ALPK1: variants seen among roughly 807,000 people sequenced by gnomAD.
ALPK1 encodes alpha kinase 1, also known as alpha-protein kinase 1.
In ALPK1, 110 loss-of-function variants were observed where a neutral mutation model predicts 120.6. The ratio of observed to expected loss-of-function variants is 0.91; its 90% confidence interval spans 0.78 to 1.07. The LOEUF (loss-of-function observed/expected upper bound fraction) is 1.07. Ranked by LOEUF, ALPK1 falls within the 50% of genes least tolerant of loss-of-function variation. The probability of loss-of-function intolerance (pLI) is 0.00; values close to 1 mark genes in which losing one functional copy is unlikely to be tolerated. For missense variants in ALPK1, 1,498 were observed against 1,483.9 expected, an observed-to-expected ratio of 1.01 and a Z score of -0.16; for synonymous variants, 582 against 560.3, an observed-to-expected ratio of 1.04 and a Z score of -0.55.
At chr4:112,374,004 G>A (rs1260366427) in intron 2 of ALPK1, among the ~76,000 whole-genome samples, 2 of 152,202 alleles carry the variant, frequency 1.3e-5, no homozygotes, top group Non-Finnish European at 2.9e-5. Context: ...GAAGGCTGGA[G>A]TGGCTGTGGC....
intron 2 of ALPK1, among the ~76,000 whole-genome samples, chr4:112,320,047 T>A (rs1428065254): frequency 6.6e-6 from 1 of 152,214 alleles, no homozygotes; most frequent in African/African-American, 2.4e-5. Flanking sequence ...CTTTCTCTTA[T>A]CTGATTGCTC....
intron 5 of ALPK1, among the ~76,000 whole-genome samples, chr4:112,423,222 G>A (rs1734075749): frequency 6.6e-6 from 1 of 152,150 alleles, no homozygotes; most frequent in Admixed American, 6.5e-5. Context: ...CAGATATTTG[G>A]GATGAAAGCG....
At chr4:112,416,199 C>T (rs1733740266) in intron 5 of ALPK1, among the ~76,000 whole-genome samples, 1 of 152,132 alleles carries the variant, frequency 6.6e-6, no homozygotes, top group South Asian at 2.1e-4. Context: ...CCTTGCTTGA[C>T]TAGCAAGGGA....
intron 2 of ALPK1, among the ~76,000 whole-genome samples, chr4:112,348,581 G>A (rs768212485): frequency 6.6e-6 from 1 of 152,214 alleles, no homozygotes; most frequent in Non-Finnish European, 1.5e-5. Flanking sequence ...TGGCATGTGG[G>A]TGTTTGCTGT....
At chr4:112,306,510 C>G (rs1269685331) in intron 1 of ALPK1, among the ~76,000 whole-genome samples, 4 of 151,300 alleles carry the variant, frequency 2.6e-5, no homozygotes, top group African/African-American at 9.8e-5. Context: ...TTATCCATTT[C>G]TTCTAGATTT....
intron 4 of ALPK1, among the ~76,000 whole-genome samples, chr4:112,399,473 C>T (rs902694665): frequency 2.3e-4 from 35 of 152,110 alleles, no homozygotes; most frequent in African/African-American, 6.7e-4. Flanking sequence ...CAGGTAAAGA[C>T]GTGAGGACAG....
chr4:112,384,456 T>A (rs918021160), intron 4 of ALPK1: 6 of 152,252 alleles, frequency 3.9e-5, no homozygotes, highest in Admixed American at 6.5e-5. Context: ...AGCTATTTTT[T>A]ATTCATTTCT....
At position 112,441,412 on chromosome 4, in the gene ALPK1, A is replaced by T. The variant is rs1263598280; in HGVS notation, c.*202A>T. The T allele has an allele frequency of 8.0e-6, 5 of 628,186 alleles. No homozygotes were observed. The highest frequency in any genetic ancestry group is 1.8e-5 in the African/African-American group (1 of 54,870). The allele number at this position is 628,186 out of a possible 1,614,324, so 38.9% of individuals were successfully genotyped here. A position where few individuals can be genotyped will look rare whatever the true frequency, so the allele number is the denominator to read the frequency against. The stretch of plus-strand genomic sequence containing the variant: ...GCTGCTTCTGGGCATAAGTCCTGCA[A>T]GGAAAGCAACATGGAAAACAGCCCC... On this transcript the variant is annotated 3_prime_UTR_variant, in exon 16 of 16. Coordinates refer to ENST00000650871, the MANE Select transcript of ALPK1 (RefSeq NM_025144.4).
At chr4:112,343,687 A>AC (rs1490733803) in intron 2 of ALPK1, 1 of 152,000 alleles carries the variant, frequency 6.6e-6, no homozygotes, top group Admixed American at 6.5e-5. Flanking sequence ...CCAAACACAA[A>AC]CACTTCTGCC....
chr4:112,336,924 T>A (rs893715726), intron 2 of ALPK1, among the ~76,000 whole-genome samples: 5 of 151,824 alleles, frequency 3.3e-5, no homozygotes, highest in African/African-American at 1.2e-4. Flanking sequence ...TAACTAGAAA[T>A]TTTTTTTTTC....
chr4:112,338,677 A>G (rs1729733459), intron 2 of ALPK1, among the ~76,000 whole-genome samples: 1 of 152,226 alleles, frequency 6.6e-6, no homozygotes, highest in African/African-American at 2.4e-5. Context: ...CTTTCAGAGT[A>G]TGTTTTACCT....
At chr4:112,329,701 A>G (rs186968843) in intron 2 of ALPK1, among the ~76,000 whole-genome samples, 120 of 152,360 alleles carry the variant, frequency 7.9e-4, no homozygotes, top group Non-Finnish European at 2.5e-4. Context: ...TAGGCTCTGG[A>G]AGACAGTCCA....
intron 2 of ALPK1, among the ~76,000 whole-genome samples, chr4:112,342,347 T>C (rs1729899560): frequency 6.6e-6 from 1 of 152,224 alleles, no homozygotes; most frequent in Non-Finnish European, 1.5e-5. Context: ...AACAAGCTAC[T>C]CATTTCCACT....
chr4:112,440,529 A>G lies in ALPK1; in HGVS notation c.3539-388A>G, dbSNP rs139575542. On this transcript the variant is annotated intron_variant, in intron 14 of 15. Coordinates refer to ENST00000650871, the MANE Select transcript of ALPK1 (RefSeq NM_025144.4). ...TCTGCACTCAATAAATATTTGTTGA[A>G]TGAACAGATGAGTATATGAATTAAT... is the stretch of plus-strand genomic sequence containing the variant. Among the ~76,000 whole-genome samples, 40 of 152,260 alleles carry G rather than the reference A, an allele frequency of 2.6e-4. 1 individual carries two copies. The East Asian group carries it at 6.6e-3, about 25-fold the overall frequency.
intron 4 of ALPK1, chr4:112,410,833 T>C (rs1270075591): frequency 6.5e-6 from 1 of 153,530 alleles, no homozygotes; most frequent in Non-Finnish European, 1.5e-5. Context: ...TCTTATTTTA[T>C]TCATTAACTA....
At chr4:112,346,218 A>G (rs2148708529) in intron 2 of ALPK1, among the ~76,000 whole-genome samples, 3 of 152,350 alleles carry the variant, frequency 2.0e-5, no homozygotes, top group Middle Eastern at 6.8e-3. Flanking sequence ...TTAAAAATTA[A>G]CACTAATTCT....
intron 2 of ALPK1, among the ~76,000 whole-genome samples, chr4:112,340,215 G>C (rs1729798112): frequency 6.6e-6 from 1 of 152,228 alleles, no homozygotes; most frequent in South Asian, 2.1e-4. Flanking sequence ...TAGCCTTAGT[G>C]CGCTGGGAGC....
At chr4:112,425,553 A>G (rs1734199264) in intron 6 of ALPK1, 112 bp from the exon 7 acceptor site, 2 of 857,220 alleles carry the variant, frequency 2.3e-6, no homozygotes, top group South Asian at 3.1e-5. Context: ...TAGAGACGAG[A>G]TTGTTTCTCA....
chr4:112,429,029 C>T (rs75260894), intron 9 of ALPK1, 120 bp from the exon 10 acceptor site: 1,440 of 839,720 alleles, frequency 1.7e-3, no homozygotes, highest in Non-Finnish European at 2.5e-3. Context: ...CTGTTCTGAA[C>T]GGGTTGCGGT....
Sources: allele counts gnomAD v4.1 joint callset (sites outside exome capture counted in the v4.1 genomes callset), GRCh38; gene constraint gnomAD v4.1.1; transcripts MANE v1.5; gene names NCBI Gene and HGNC (gene_info 2026-07-23, HGNC 2026-07-21).